ARHGEF28: variants seen among roughly 807,000 people sequenced by gnomAD.
The protein encoded by ARHGEF28 is 190 kDa guanine nucleotide exchange factor.
Under a neutral mutation model 206.6 loss-of-function variants are expected in ARHGEF28, and 152 were observed. The observed-to-expected ratio is 0.74, with a 90% CI of 0.64 to 0.84. The LOEUF (loss-of-function observed/expected upper bound fraction) is 0.84, where lower values mean the gene tolerates loss of function less well. ARHGEF28 is among the 40% of genes least tolerant of loss of function. ARHGEF28 has a pLI of 0.00. For synonymous variants in ARHGEF28, 763 were observed against 776.4 expected, an observed-to-expected ratio of 0.98 and a Z score of 0.29; for missense variants, 2,028 against 2,073.2, an observed-to-expected ratio of 0.98 and a Z score of 0.42.
intron 1 of ARHGEF28, among the ~76,000 whole-genome samples, chr5:73,630,771 A>T (rs752823947): frequency 1.3e-5 from 2 of 152,210 alleles, no homozygotes; most frequent in Admixed American, 6.5e-5. Flanking sequence ...CTCTAAGAGC[A>T]ACCCATTTTT....
At chr5:73,846,154 A>C (rs1579979038) in intron 11 of ARHGEF28, 114 bp from the exon 12 acceptor site, 2 of 866,812 alleles carry the variant, frequency 2.3e-6, no homozygotes, top group Non-Finnish European at 3.6e-6. Context: ...TTAAATGAAT[A>C]CCTATTGCAC....
At chr5:73,722,827 C>G (rs1750042508) in intron 2 of ARHGEF28, among the ~76,000 whole-genome samples, 1 of 152,128 alleles carries the variant, frequency 6.6e-6, no homozygotes, top group Non-Finnish European at 1.5e-5. Context: ...TAAGGCTAAC[C>G]ATGTTTTAAA....
chr5:73,801,424 G>A lies in ARHGEF28; in HGVS notation c.1024+6033G>A, dbSNP rs542526372. On this transcript the variant is annotated intron_variant, in intron 9 of 35. Coordinates refer to ENST00000513042, the MANE Select transcript of ARHGEF28 (RefSeq NM_001177693.2). The stretch of plus-strand genomic sequence containing the variant: ...ATCGCACCACTGCACTCCAGCCTGG[G>A]CAACAGAGCGAGACTCCATCTCAAA... Among the ~76,000 whole-genome samples, 7 of 152,016 alleles carry A rather than the reference G, an allele frequency of 4.6e-5. No homozygotes were observed. In the South Asian group the frequency reaches 6.2e-4, roughly 14 times the overall value.
Position 73,865,985 on chromosome 5 carries a change from C to T in ARHGEF28, c.2124C>T (p.Asn708=), listed in dbSNP as rs1323262786. Residue 708 remains asparagine, a synonymous_variant, in exon 18 of 36, where the codon AAC becomes AAT. Transcript: ENST00000513042. ...ACCAGAAATTCCAAGAGAAATATAA[C>T]AAGAACAAACCACAGACCATCCTTG... The part of the protein sequence containing the change: ...ACTKKFQEKY[N]KNKPQTILGN... 3.1e-6 allele frequency: 5 copies of T among 1,603,104 alleles called. No homozygotes were observed. The highest frequency in any genetic ancestry group is 2.2e-5 in the East Asian group (1 of 44,700).
chr5:73,797,880 A>G (rs1754912695), intron 9 of ARHGEF28, among the ~76,000 whole-genome samples: 1 of 152,184 alleles, frequency 6.6e-6, no homozygotes, highest in Non-Finnish European at 1.5e-5. Context: ...CTCTGTGCTG[A>G]TGGACACATT....
In ARHGEF28 at chr5:73,627,732, A is replaced by C. The variant is rs150340775; in HGVS notation, c.-12+1410A>C. On this transcript the variant is annotated intron_variant, in intron 1 of 35. Coordinates refer to ENST00000513042, the MANE Select transcript of ARHGEF28 (RefSeq NM_001177693.2). The stretch of plus-strand genomic sequence containing the variant: ...CTATATGTGATTATTGGGCTGATTA[A>C]CTTTGATCAAATAGGAATTTGGCTA... Among the ~76,000 whole-genome samples, 10 of 152,338 alleles carry C rather than the reference A, an allele frequency of 6.6e-5. No individual in the cohort carries two copies. The East Asian group carries it at 1.7e-3, about 26-fold the overall frequency.
intron 6 of ARHGEF28, among the ~76,000 whole-genome samples, chr5:73,778,792 C>T (rs1321596956): frequency 6.6e-6 from 1 of 152,176 alleles, no homozygotes; most frequent in Non-Finnish European, 1.5e-5. Flanking sequence ...TGAAGCTTTA[C>T]AACTTTGGAT....
At chr5:73,657,014 A>G (rs976984573) in intron 1 of ARHGEF28, among the ~76,000 whole-genome samples, 1 of 151,870 alleles carries the variant, frequency 6.6e-6, no homozygotes, top group African/African-American at 2.4e-5. Flanking sequence ...ACTAAAAAAT[A>G]TATAAAAAAT....
At chr5:73,904,020 C>T (rs990527474) in intron 31 of ARHGEF28, 24 of 568,086 alleles carry the variant, frequency 4.2e-5, no homozygotes, top group Non-Finnish European at 6.7e-5. Context: ...ATCGACTTTG[C>T]GTGAAGGACG....
In ARHGEF28 at chr5:73,894,427, G is replaced by A. The variant is rs759733602; in HGVS notation, c.3693G>A (p.Ala1231=). The A allele has an allele frequency of 1.1e-5, 18 of 1,613,242 alleles. No individual in the cohort carries two copies. The highest frequency in any genetic ancestry group is 8.9e-5 in the East Asian group (4 of 44,870). ...CTAACCAAGACCAACAAATTTGTGCGTATTTGGAGGAGAAGCTGCATATCT... is the reference window on the plus strand; with the variant it reads ...CTAACCAAGACCAACAAATTTGTGCATATTTGGAGGAGAAGCTGCATATCT... The part of the protein sequence containing the change: ...ILTNQDQQIC[A]YLEEKLHIYA... Residue 1231 remains alanine (A), a synonymous_variant, in exon 29 of 36, where the codon GCG becomes GCA. Transcript: ENST00000513042.
chr5:73,875,637 T>C (rs1289611782), intron 22 of ARHGEF28, among the ~76,000 whole-genome samples: 1 of 151,714 alleles, frequency 6.6e-6, no homozygotes, highest in Non-Finnish European at 1.5e-5. Context: ...TTTCTACATA[T>C]GGCTAGCCAG....
At chr5:73,902,239 G>A (rs1398453068) in intron 31 of ARHGEF28, 1 of 152,150 alleles carries the variant, frequency 6.6e-6, no homozygotes, top group Admixed American at 6.5e-5. Flanking sequence ...ATGAGCATAG[G>A]AATGTAATAT....
intron 2 of ARHGEF28, among the ~76,000 whole-genome samples, chr5:73,715,489 A>G (rs1749531844): frequency 6.6e-6 from 1 of 152,274 alleles, no homozygotes; most frequent in South Asian, 2.1e-4. Flanking sequence ...AACTCACACA[A>G]TGGGTGATTC....
chr5:73,840,676 C>T lies in ARHGEF28; in HGVS notation c.1343C>T (p.Pro448Leu). 2 of 1,613,394 alleles carry T rather than the reference C, an allele frequency of 1.2e-6. No homozygotes were observed. The highest frequency in any genetic ancestry group is 8.5e-7 in the Non-Finnish European group (1 of 1,179,590). Residue 448 changes from proline to leucine, a missense_variant, in exon 11 of 36, where the codon CCA becomes CTA. Coordinates refer to ENST00000513042, the MANE Select transcript of ARHGEF28 (RefSeq NM_001177693.2). Reference protein sequence around the residue: ...HTEAQQSFMSPSSSCASNLNL... With the variant: ...HTEAQQSFMSLSSSCASNLNL... Reference sequence around the variant, plus strand: ...GAAGCCCAGCAGTCCTTCATGTCACCATCAAGTTCGTGTGCTTCCAACTTG... The same window carrying T: ...GAAGCCCAGCAGTCCTTCATGTCACTATCAAGTTCGTGTGCTTCCAACTTG...
chr5:73,804,288 A>AC (rs1313866111), intron 9 of ARHGEF28, among the ~76,000 whole-genome samples: 14 of 151,918 alleles, frequency 9.2e-5, no homozygotes, highest in African/African-American at 3.1e-4. Flanking sequence ...GATCTTATTA[A>AC]CCCCATGGAG....
At chr5:73,656,840 G>C (rs1166959037) in intron 1 of ARHGEF28, among the ~76,000 whole-genome samples, 1 of 151,982 alleles carries the variant, frequency 6.6e-6, no homozygotes, top group Non-Finnish European at 1.5e-5. Flanking sequence ...ACTTCACTCT[G>C]CTGCAGACAT....
Position 73,909,512 on chromosome 5 carries a change from C to A in ARHGEF28, c.4262C>A (p.Pro1421His), listed in dbSNP as rs1480420517. The A allele has an allele frequency of 1.4e-5, 22 of 1,606,656 alleles. No homozygotes were observed. Among genetic ancestry groups the A allele is most frequent in the Non-Finnish European group, 1.9e-5 (22 of 1,176,746 alleles). The change falls in exon 34 of 36, where the codon CCC becomes CAC. Residue 1421 changes from proline to histidine, a missense_variant. Physicochemically the swap from Pro to His is moderately conservative, Grantham distance 77. Coordinates refer to ENST00000513042, the MANE Select transcript of ARHGEF28 (RefSeq NM_001177693.2). ...SLGHSILRGGPLQDQKSRDAD... is the reference protein window; with the variant it reads ...SLGHSILRGGHLQDQKSRDAD... ...GGCCACTCTATCCTCCGAGGCGGCC[C>A]CTTGCAGGACCAGAAGTCTCGCGAC...
At chr5:73,793,215 A>C (rs1754588307) in intron 7 of ARHGEF28, among the ~76,000 whole-genome samples, 1 of 152,248 alleles carries the variant, frequency 6.6e-6, no homozygotes, top group Non-Finnish European at 1.5e-5. Flanking sequence ...ATTGTTGTCC[A>C]GATTTTTAGA....
intron 2 of ARHGEF28, among the ~76,000 whole-genome samples, chr5:73,730,275 G>A (rs1035007395): frequency 2.0e-5 from 3 of 152,038 alleles, no homozygotes; most frequent in Admixed American, 6.6e-5. Context: ...TCTGTGACCC[G>A]CAGAGAAGTA....
Sources: gnomAD v4.1 joint callset for allele counts (sites outside exome capture counted in the v4.1 genomes callset) on GRCh38, gnomAD v4.1.1 for gene constraint, MANE v1.5 for transcripts, NCBI Gene and HGNC (gene_info 2026-07-23, HGNC 2026-07-21) for gene names.